The following TMEM178B variants were observed in gnomAD, a reference collection of about 807,000 sequenced individuals.
TMEM178B encodes transmembrane protein 178B.
A neutral mutation model predicts 31.0 loss-of-function variants in TMEM178B; 5 were observed. That is an observed-to-expected ratio of 0.16 (90% confidence interval 0.08 to 0.34). The LOEUF is 0.34. Ranked by LOEUF, TMEM178B falls within the 10% of genes least tolerant of loss-of-function variation. TMEM178B has a pLI of 1.00. For synonymous variants in TMEM178B, 164 were observed against 164.0 expected (o/e 1.00, Z 0.00); for missense variants, 275 against 400.3 (o/e 0.69, Z 2.67).
intron 1 of TMEM178B, among the ~76,000 whole-genome samples, chr7:141,078,248 C>A (rs765358808): frequency 6.6e-6 from 1 of 152,060 alleles, no homozygotes; most frequent in South Asian, 2.1e-4. Flanking sequence ...TTCTAGGGAA[C>A]TCTAAGGGGA....
intron 2 of TMEM178B, among the ~76,000 whole-genome samples, chr7:141,270,151 T>G (rs1474713870): frequency 6.6e-6 from 1 of 152,160 alleles, no homozygotes; most frequent in Admixed American, 6.5e-5. Flanking sequence ...AAGAATATAG[T>G]AGCAGAAGTA....
intron 1 of TMEM178B, among the ~76,000 whole-genome samples, chr7:141,210,503 G>A (rs1375498179): frequency 1.3e-5 from 2 of 152,082 alleles, no homozygotes; most frequent in African/African-American, 4.8e-5. Flanking sequence ...GATGAGGATG[G>A]CAATGCCTAC....
chr7:141,364,362 A>G (rs1456575956), intron 2 of TMEM178B, among the ~76,000 whole-genome samples: 2 of 152,182 alleles, frequency 1.3e-5, no homozygotes, highest in Non-Finnish European at 2.9e-5. Flanking sequence ...AGTATTAGGA[A>G]CACATTAAAA....
chr7:141,074,836 G>C lies in TMEM178B; in HGVS notation c.382+144G>C, dbSNP rs1305301311. 8.5e-7 allele frequency: 1 copy of C among 1,183,246 alleles called. No individual in the cohort carries two copies. The highest frequency in any genetic ancestry group is 1.7e-5 in the South Asian group (1 of 59,658). 73.3% of individuals were successfully genotyped at this position (1,183,246 alleles called of 1,614,324 possible). A position where few individuals can be genotyped will look rare whatever the true frequency, so the allele number is the denominator to read the frequency against. On this transcript the variant is annotated intron_variant, in intron 1 of 3. Coordinates refer to ENST00000565468, the MANE Select transcript of TMEM178B (RefSeq NM_001195278.2). This position sits in a 1 kb window ranked among gnomAD's most constrained non-coding sequence, Gnocchi z 5.1. Reference sequence around the variant, plus strand: ...GTTATCCAGGCCTGGCTGAGCCTCGGGGCCAGGACTTGCCTCCCAATAGCT... The same window carrying C: ...GTTATCCAGGCCTGGCTGAGCCTCGCGGCCAGGACTTGCCTCCCAATAGCT...
chr7:141,337,562 G>C (rs73518790), intron 2 of TMEM178B, among the ~76,000 whole-genome samples: 1,814 of 152,234 alleles, frequency 0.012, 26 homozygotes, highest in African/African-American at 0.042. Context: ...TAAGTTTAAG[G>C]CCTAGAGATA....
chr7:141,402,124 CCCTCCGGAGGA>C (rs1800790137), intron 2 of TMEM178B, among the ~76,000 whole-genome samples: 2 of 152,158 alleles, frequency 1.3e-5, no homozygotes, highest in Non-Finnish European at 2.9e-5. Context: ...AACAGTCCTG[CCCTCCGGAGGA>C]CCCGCTCACT....
chr7:141,087,691 C>T (rs1238393752), intron 1 of TMEM178B, among the ~76,000 whole-genome samples: 2 of 152,152 alleles, frequency 1.3e-5, no homozygotes, highest in Non-Finnish European at 1.5e-5. Flanking sequence ...TTTCATATCA[C>T]TTTTGAAACT....
intron 2 of TMEM178B, among the ~76,000 whole-genome samples, chr7:141,386,955 A>G (rs1381688607): frequency 6.6e-6 from 1 of 152,148 alleles, no homozygotes; most frequent in African/African-American, 2.4e-5. Flanking sequence ...AAATTTCAAA[A>G]TCCCGGAAGA....
intron 2 of TMEM178B, among the ~76,000 whole-genome samples, chr7:141,262,474 A>ATATATATAT (rs1798028077): frequency 7.6e-6 from 1 of 131,866 alleles, no homozygotes; most frequent in African/African-American, 3.0e-5. Context: ...AAATACATAT[A>ATATATATAT]ATATATATAT....
chr7:141,145,188 C>A (rs1186994892), intron 1 of TMEM178B, among the ~76,000 whole-genome samples: 1 of 152,202 alleles, frequency 6.6e-6, no homozygotes, highest in African/African-American at 2.4e-5. Context: ...CTTGGCTCTG[C>A]TCCCTCAGGC....
chr7:141,369,613 C>T (rs1800075887), intron 2 of TMEM178B, among the ~76,000 whole-genome samples: 1 of 152,144 alleles, frequency 6.6e-6, no homozygotes, highest in Non-Finnish European at 1.5e-5. Context: ...AGCACCTCCA[C>T]CCCGCGTTCC....
At chr7:141,483,934 C>A (rs188198342), downstream of TMEM178B, among the ~76,000 whole-genome samples, 83 of 152,168 alleles carry the variant, frequency 5.5e-4, 1 homozygote, top group African/African-American at 1.9e-3. Context: ...CAGGGTTTTA[C>A]CACGTTGGCC....
intron 2 of TMEM178B, among the ~76,000 whole-genome samples, chr7:141,270,467 A>G (rs1348599748): frequency 6.6e-6 from 1 of 152,204 alleles, no homozygotes; most frequent in East Asian, 1.9e-4. Context: ...TCTCAATCCT[A>G]AAGATTCATG....
chr7:141,247,147 GTGGAAA>G (rs1334803680), intron 2 of TMEM178B, among the ~76,000 whole-genome samples: 6 of 151,600 alleles, frequency 4.0e-5, no homozygotes, highest in Admixed American at 6.6e-5. Context: ...AGAGAACTTT[GTGGAAA>G]TAGATATTTA....
At chr7:141,212,806 T>A in intron 2 of TMEM178B, 102 bp downstream of exon 2, 2 of 930,792 alleles carry the variant, frequency 2.1e-6, no homozygotes, top group Non-Finnish European at 3.3e-6. Flanking sequence ...GTGGATGGTC[T>A]CAGAACATTG....
At chr7:141,148,050 G>A (rs1471570597) in intron 1 of TMEM178B, among the ~76,000 whole-genome samples, 2 of 152,098 alleles carry the variant, frequency 1.3e-5, no homozygotes, top group Non-Finnish European at 2.9e-5. Flanking sequence ...TGGGTCCTAG[G>A]GGGCTAAAAT....
chr7:141,299,903 G>T (rs1309573555), intron 2 of TMEM178B, among the ~76,000 whole-genome samples: 1 of 152,050 alleles, frequency 6.6e-6, no homozygotes, highest in Non-Finnish European at 1.5e-5. Flanking sequence ...TCCCACCTTA[G>T]CTTCCCGAGT....
chr7:141,277,941 A>G (rs901470968), intron 2 of TMEM178B, among the ~76,000 whole-genome samples: 13 of 152,376 alleles, frequency 8.5e-5, no homozygotes, highest in African/African-American at 3.1e-4. Flanking sequence ...CATGGACCTT[A>G]TAATCTTGTT....
chr7:141,418,707 G>A (rs796920157), intron 2 of TMEM178B, among the ~76,000 whole-genome samples: 4 of 152,006 alleles, frequency 2.6e-5, no homozygotes, highest in East Asian at 1.9e-4. Context: ...TCCATCTCTC[G>A]AAAAGCAGGC....
Sources: gnomAD v4.1 joint callset for allele counts (sites outside exome capture counted in the v4.1 genomes callset) on GRCh38, gnomAD v4.1.1 for gene constraint, Gnocchi (gnomAD v3.1) non-coding constraint, MANE v1.5 for transcripts, NCBI Gene and HGNC (gene_info 2026-07-23, HGNC 2026-07-21) for gene names.